The following TPTE2 variants were observed in gnomAD, a reference collection of about 807,000 sequenced individuals.
TPTE2 encodes the protein transmembrane phosphoinositide 3-phosphatase and tensin homolog 2.
A neutral mutation model predicts 78.6 loss-of-function variants in TPTE2; 53 were observed. The observed-to-expected ratio is 0.67, with a 90% confidence interval of 0.54 to 0.85. The LOEUF is 0.85. Ranked by LOEUF, TPTE2 falls within the 40% of genes least tolerant of loss-of-function variation. The pLI is 0.00. For missense variants in TPTE2, 461 were observed against 623.0 expected (o/e 0.74, Z 2.77); for synonymous variants, 175 against 206.2 (o/e 0.85, Z 1.30).
At chr13:19,511,701 C>G (rs1008804308) in intron 1 of TPTE2, among the ~76,000 whole-genome samples, 1 of 151,706 alleles carries the variant, frequency 6.6e-6, no homozygotes, top group Non-Finnish European at 1.5e-5. Flanking sequence ...AAATATGGGA[C>G]CTTTTAAACA....
chr13:19,492,479 A>G (rs1881048857), intron 3 of TPTE2, among the ~76,000 whole-genome samples: 1 of 152,198 alleles, frequency 6.6e-6, no homozygotes, highest in African/African-American at 2.4e-5. Context: ...CCCTTAAAAA[A>G]TTACCTACTA....
At chr13:19,561,126 G>A in the TPTE2 span, 1 of 1,604,550 alleles carries the variant, frequency 6.2e-7, no homozygotes, top group Non-Finnish European at 8.5e-7. Context: ...GGGAGGCAGT[G>A]GGTGGGAGCT....
chr13:19,557,773 G>C, the TPTE2 span, among the ~76,000 whole-genome samples: 1 of 151,984 alleles, frequency 6.6e-6, no homozygotes, highest in Non-Finnish European at 1.5e-5. Context: ...CACTAAGGAA[G>C]GACATCTTGG....
At chr13:19,479,217 A>T (rs912216520) in intron 4 of TPTE2, among the ~76,000 whole-genome samples, 3 of 152,230 alleles carry the variant, frequency 2.0e-5, no homozygotes, top group Non-Finnish European at 4.4e-5. Context: ...AAAGATAAAT[A>T]ATATAAAATC....
upstream of TPTE2, among the ~76,000 whole-genome samples, chr13:19,507,035 A>G (rs1169672962): frequency 2.0e-5 from 3 of 152,210 alleles, no homozygotes; most frequent in Admixed American, 2.0e-4. Context: ...CTTTAGAAAC[A>G]GTGTCCAAGA....
chr13:19,509,398 C>T (rs1200867381), intron 1 of TPTE2, among the ~76,000 whole-genome samples: 1 of 152,048 alleles, frequency 6.6e-6, no homozygotes, highest in Non-Finnish European at 1.5e-5. Flanking sequence ...CAAGAACAAA[C>T]AGAGTGAATA....
At chr13:19,492,690 G>A (rs1881069421) in intron 3 of TPTE2, among the ~76,000 whole-genome samples, 160 bp downstream of exon 6, 1 of 151,998 alleles carries the variant, frequency 6.6e-6, no homozygotes, top group South Asian at 2.1e-4. Context: ...CTGTCTCCGT[G>A]TTTGGTGTTT....
chr13:19,453,424 C>T, intron 10 of TPTE2, among the ~76,000 whole-genome samples: 1 of 151,680 alleles, frequency 6.6e-6, no homozygotes, highest in South Asian at 2.1e-4. Context: ...TCAATATTTG[C>T]TTTTTCATGG....
rs149253722 is a variant in TPTE2 at position 19,447,079 on chromosome 13, C to A, written c.973+2997G>T. Among the ~76,000 whole-genome samples the A allele has an allele frequency of 3.9e-3, 593 of 152,064 alleles. 3 individuals carry two copies. Among genetic ancestry groups the A allele is most frequent in the African/African-American group, 0.014 (570 of 41,490 alleles). On this transcript the variant is annotated intron_variant, in intron 13 of 19. Transcript: ENST00000400230. Reference sequence around the variant, plus strand: ...GATTCTTTAAAGAACTCCTATAAATCGATATAAAATATTTTTACTATCATG... The same window carrying A: ...GATTCTTTAAAGAACTCCTATAAATAGATATAAAATATTTTTACTATCATG...
upstream of TPTE2, among the ~76,000 whole-genome samples, chr13:19,538,313 C>T (rs972796341): frequency 2.6e-5 from 4 of 151,796 alleles, no homozygotes; most frequent in Admixed American, 6.6e-5. Context: ...CTCCGCCTCC[C>T]GGGTTCACGC....
At chr13:19,492,069 A>T (rs979745400) in intron 3 of TPTE2, among the ~76,000 whole-genome samples, 8 of 152,140 alleles carry the variant, frequency 5.3e-5, no homozygotes, top group Non-Finnish European at 1.0e-4. Flanking sequence ...TTTCTTGAGC[A>T]TTACACTATA....
At chr13:19,531,230 T>A (rs1870848090) in intron 1 of TPTE2, among the ~76,000 whole-genome samples, 1 of 152,234 alleles carries the variant, frequency 6.6e-6, no homozygotes, top group Non-Finnish European at 1.5e-5. Context: ...TACCTCATTT[T>A]GTTTATCCAT....
chr13:19,462,538 C>CTTT (rs34343811), intron 10 of TPTE2, among the ~76,000 whole-genome samples: 3 of 143,412 alleles, frequency 2.1e-5, no homozygotes, highest in East Asian at 4.1e-4. Flanking sequence ...TTAACATTTC[C>CTTT]TTTTTTTTTT....
chr13:19,523,264 G>A (rs1870283437), intron 1 of TPTE2, among the ~76,000 whole-genome samples: 2 of 152,206 alleles, frequency 1.3e-5, no homozygotes, highest in African/African-American at 2.4e-5. Flanking sequence ...TGAACATAAA[G>A]TAAGAACACT....
intron 4 of TPTE2, 54 bp downstream of exon 7, chr13:19,482,434 A>G (rs1177428861): frequency 1.3e-6 from 2 of 1,586,584 alleles, no homozygotes; most frequent in African/African-American, 1.4e-5. Context: ...CTGTTTCACT[A>G]AAGGTAAGAG....
rs1420360804 is a variant in TPTE2 at position 19,450,106 on chromosome 13, T to C, written c.943A>G (p.Ile315Val). ...CCTCCTTTACAGTGAATCGCTACGA[T>C]GTTTTCAAGATCTTGAGCCATCCAC... Residue 315 changes from isoleucine to valine, a missense_variant, in exon 13 of 20, where the codon ATC becomes GTC. Coordinates refer to ENST00000400230, the Ensembl canonical transcript of TPTE2. 1.9e-6 allele frequency: 3 copies of C among 1,611,480 alleles called. No individual in the cohort carries two copies. In the Admixed American group the frequency reaches 5.0e-5, roughly 27 times the overall value.
intron 15 of TPTE2, 112 bp downstream of exon 18, chr13:19,436,102 GCAGGGCACCCAA>G: frequency 2.7e-6 from 2 of 747,472 alleles, no homozygotes; most frequent in South Asian, 3.8e-5. Context: ...AAGGCCTGTT[GCAGGGCACCCAA>G]CTGCTGCTGC....
chr13:19,515,746 A>G (rs1869752062), intron 1 of TPTE2, among the ~76,000 whole-genome samples: 1 of 152,232 alleles, frequency 6.6e-6, no homozygotes, highest in Non-Finnish European at 1.5e-5. Context: ...AATGTTCAAA[A>G]CACCAAAAAG....
chr13:19,556,465 C>A, the TPTE2 span, among the ~76,000 whole-genome samples: 1 of 152,062 alleles, frequency 6.6e-6, no homozygotes, highest in African/African-American at 2.4e-5. Flanking sequence ...GTATAAGTAA[C>A]TGGTAGAAAG....
Sources: gnomAD v4.1 joint callset for allele counts (sites outside exome capture counted in the v4.1 genomes callset) on GRCh38, gnomAD v4.1.1 for gene constraint, MANE v1.5 for transcripts, NCBI Gene and HGNC (gene_info 2026-07-23, HGNC 2026-07-21) for gene names.